Variants in CMYA5 observed in about 807,000 individuals in gnomAD.
The protein encoded by CMYA5 is cardiomyopathy associated 5.
A neutral mutation model predicts 318.9 loss-of-function variants in CMYA5; 246 were observed. That is an observed-to-expected ratio of 0.77 (90% CI 0.70 to 0.86). The LOEUF is 0.86. Ranked by LOEUF, CMYA5 falls within the 40% of genes least tolerant of loss-of-function variation. The pLI is 0.00. For missense variants in CMYA5, 4,589 were observed against 4,678.2 expected (o/e 0.98, Z 0.56); for synonymous variants, 1,641 against 1,729.5 (o/e 0.95, Z 1.27).
At chr5:79,796,242 A>T (rs1344145575) in intron 12 of CMYA5, among the ~76,000 whole-genome samples, 2 of 152,188 alleles carry the variant, frequency 1.3e-5, no homozygotes, top group African/African-American at 2.4e-5. Flanking sequence ...TAATAGAAAA[A>T]TGGTGCCACA....
intron 4 of CMYA5, among the ~76,000 whole-genome samples, chr5:79,746,412 G>C (rs1055066605): frequency 6.6e-6 from 1 of 152,030 alleles, no homozygotes; most frequent in Non-Finnish European, 1.5e-5. Context: ...GTGTAATTAA[G>C]GCAAAGCTTC....
Position 79,732,129 on chromosome 5 carries a change from G to A in CMYA5, c.3364G>A (p.Glu1122Lys), listed in dbSNP as rs772949725. 3.1e-6 allele frequency: 5 copies of A among 1,613,998 alleles called. No individual in the cohort carries two copies. The South Asian group carries it at 3.3e-5, about 11-fold the overall frequency. ...KQKTQAYLEP[E>K]SEDLIPSHLT... ...GAAAACTCAAGCATATTTAGAGCCT[G>A]AGTCTGAAGACTTGATTCCTTCACA... The change falls in exon 2 of 13, where the codon GAG becomes AAG. Residue 1122 changes from glutamate to lysine, a missense_variant. By Grantham distance (56) the Glu-to-Lys change is moderately conservative. Coordinates refer to ENST00000446378, the MANE Select transcript of CMYA5 (RefSeq NM_153610.5).
At chr5:79,794,358 G>A (rs1342546338) in intron 12 of CMYA5, among the ~76,000 whole-genome samples, 1 of 152,326 alleles carries the variant, frequency 6.6e-6, no homozygotes, top group Non-Finnish European at 1.5e-5. Flanking sequence ...TGTATTGTTT[G>A]GTTGGTTGAT....
rs199627049 is a variant in CMYA5 at position 79,738,014 on chromosome 5, A to C, written c.9249A>C (p.Ser3083=). Residue 3083 remains serine, a synonymous_variant, in exon 2 of 13, where the codon TCA becomes TCC. Coordinates refer to ENST00000446378, the MANE Select transcript of CMYA5 (RefSeq NM_153610.5). ...AATTAAATGTTGAAGAGAAACTCTCAAAGGAAGTTACAGAAGAAACTATCT... is the reference window on the plus strand; with the variant it reads ...AATTAAATGTTGAAGAGAAACTCTCCAAGGAAGTTACAGAAGAAACTATCT... ...PQKLNVEEKL[S]KEVTEETISF... The C allele has an allele frequency of 4.0e-4, 643 of 1,613,612 alleles. 2 individuals carry two copies. The highest frequency in any genetic ancestry group is 1.2e-3 in the Admixed American group (74 of 59,946).
At chr5:79,753,564 C>T (rs1828471456) in intron 6 of CMYA5, among the ~76,000 whole-genome samples, 1 of 151,856 alleles carries the variant, frequency 6.6e-6, no homozygotes, top group Non-Finnish European at 1.5e-5. Context: ...GCCTGGGCAA[C>T]ATAGTAAGAC....
chr5:79,766,259 C>T (rs770519318), intron 9 of CMYA5, among the ~76,000 whole-genome samples: 1 of 152,038 alleles, frequency 6.6e-6, no homozygotes, highest in Non-Finnish European at 1.5e-5. Context: ...CCACCAAGCC[C>T]CGCTAATTTT....
chr5:79,786,458 C>T (rs984986240), intron 9 of CMYA5, among the ~76,000 whole-genome samples: 2 of 152,280 alleles, frequency 1.3e-5, no homozygotes, highest in South Asian at 2.1e-4. Flanking sequence ...GTATAAAATC[C>T]CTAAGCACCA....
intron 11 of CMYA5, 143 bp downstream of exon 11, chr5:79,791,212 A>T: frequency 1.7e-6 from 1 of 602,702 alleles, no homozygotes; most frequent in Non-Finnish European, 3.0e-6. Flanking sequence ...ATGTGTGCAC[A>T]TCCACACTGT....
rs1468086481 is a variant in CMYA5, at chr5:79,736,320, C to A, written c.7555C>A (p.Gln2519Lys). ...CGATGCTATGCCACAGCACTTCTAT[C>A]AAAATGAAGACTACAATGAAAGACC... ...KADAMPQHFY[Q>K]NEDYNERPKI... Residue 2519 changes from glutamine to lysine, a missense_variant, in exon 2 of 13, where the codon CAA becomes AAA. Around this residue, in one of 3 missense-constraint regions of CMYA5, gnomAD observed 2,431 missense variants for 2,495.1 expected, o/e 0.97. Transcript: ENST00000446378. 1 of 1,613,364 alleles carries A rather than the reference C, an allele frequency of 6.2e-7. No homozygotes were observed. The highest frequency in any genetic ancestry group is 1.3e-5 in the African/African-American group (1 of 74,864).
Position 79,732,837 on chromosome 5 carries a change from G to A in CMYA5, c.4072G>A (p.Val1358Ile). The A allele has an allele frequency of 6.2e-7, 1 of 1,613,710 alleles. No homozygotes were observed. The highest frequency in any genetic ancestry group is 8.5e-7 in the Non-Finnish European group (1 of 1,179,792). ...EPSSSTTTAS[V>I]TKLDSNLTRA... ...CAGTTCCTCAACAACTACAGCATCT[G>A]TAACTAAGCTTGATTCAAACTTAAC... The change falls in exon 2 of 13, where the codon GTA becomes ATA. Residue 1358 changes from valine to isoleucine, a missense_variant. Coordinates refer to ENST00000446378, the MANE Select transcript of CMYA5 (RefSeq NM_153610.5).
rs1425254866 is a variant in CMYA5, at chr5:79,735,835, G to T, written c.7070G>T (p.Trp2357Leu). ...QKPAIAPPSKWNISIFKEEPR... is the reference protein window; with the variant it reads ...QKPAIAPPSKLNISIFKEEPR... The stretch of plus-strand genomic sequence containing the variant: ...CCAGCAATCGCTCCTCCATCTAAAT[G>T]GAATATTTCTATTTTTAAGGAAGAG... Residue 2357 changes from tryptophan to leucine, a missense_variant, in exon 2 of 13, where the codon TGG (tryptophan) becomes TTG (leucine). Trp to Leu is a moderately conservative substitution (Grantham distance 61). Coordinates refer to ENST00000446378, the MANE Select transcript of CMYA5 (RefSeq NM_153610.5). The T allele has an allele frequency of 6.4e-7, 1 of 1,552,832 alleles. No homozygotes were observed. Among genetic ancestry groups the T allele is most frequent in the Non-Finnish European group, 8.6e-7 (1 of 1,158,132 alleles).
intron 1 of CMYA5, among the ~76,000 whole-genome samples, chr5:79,704,032 C>A (rs981871064): frequency 1.1e-4 from 17 of 151,978 alleles, no homozygotes; most frequent in Non-Finnish European, 2.5e-4. Flanking sequence ...TCAAGGCTGC[C>A]ATGAGCTGCG....
Position 79,739,388 on chromosome 5 carries a change from T to C in CMYA5, c.10623T>C (p.Ala3541=). The C allele has an allele frequency of 6.5e-7, 1 of 1,537,498 alleles. No homozygotes were observed. Residue 3541 remains alanine, a synonymous_variant, in exon 2 of 13, where the codon GCT becomes GCC. Coordinates refer to ENST00000446378, the MANE Select transcript of CMYA5 (RefSeq NM_153610.5). ...ATGAAGTTTCAACGCTTGACACAGCTATAAGTGCTGTAAAGGTAAATAGAT... is the reference window on the plus strand; with the variant it reads ...ATGAAGTTTCAACGCTTGACACAGCCATAAGTGCTGTAAAGGTAAATAGAT... ...KDHEVSTLDT[A]ISAVKVQLAE...
chr5:79,741,483 A>G (rs561087360), intron 2 of CMYA5, among the ~76,000 whole-genome samples: 1 of 152,174 alleles, frequency 6.6e-6, no homozygotes, highest in Non-Finnish European at 1.5e-5. Context: ...GAATCTTGGC[A>G]TTTTTTAACT....
intron 1 of CMYA5, among the ~76,000 whole-genome samples, chr5:79,701,384 A>C (rs910301885): frequency 6.6e-6 from 1 of 152,234 alleles, no homozygotes; most frequent in Admixed American, 6.5e-5. Flanking sequence ...GGTAAAGAAA[A>C]AATAAATGTT....
In CMYA5 at chr5:79,763,185, A is replaced by G. The variant is rs1561223595; in HGVS notation, c.11531A>G (p.His3844Arg). 28 of 1,609,064 alleles carry G rather than the reference A, an allele frequency of 1.7e-5. No individual in the cohort carries two copies. The highest frequency in any genetic ancestry group is 2.2e-5 in the East Asian group (1 of 44,746). The change falls in exon 9 of 13, where the codon CAC (histidine) becomes CGC (arginine). Residue 3844 changes from histidine (H) to arginine (R), a missense_variant. Physicochemically the swap from His to Arg is conservative, Grantham distance 29. Around this residue, in one of 3 missense-constraint regions of CMYA5, gnomAD observed 2,431 missense variants for 2,495.1 expected, o/e 0.97. Coordinates refer to ENST00000446378, the MANE Select transcript of CMYA5 (RefSeq NM_153610.5). The part of the protein sequence containing the change: ...ETYTLEYCRQ[H>R]SPEGEGLRSF... ...TACACTCTGGAGTACTGCAGACAGC[A>G]CTCTCCTGAGGGAGAGGGCCTCAGG...
intron 1 of CMYA5, among the ~76,000 whole-genome samples, chr5:79,711,126 G>GT (rs1255522005): frequency 1.3e-5 from 2 of 151,928 alleles, no homozygotes; most frequent in African/African-American, 4.8e-5. Flanking sequence ...TAATCTCTTT[G>GT]TTTTTTCCCC....
chr5:79,769,422 C>T (rs1245804414), intron 9 of CMYA5, among the ~76,000 whole-genome samples: 1 of 152,100 alleles, frequency 6.6e-6, no homozygotes, highest in Non-Finnish European at 1.5e-5. Context: ...GTTTTTCCCT[C>T]ATATTCGTGG....
chr5:79,784,906 C>A (rs1242948442), intron 9 of CMYA5, among the ~76,000 whole-genome samples: 1 of 152,008 alleles, frequency 6.6e-6, no homozygotes, highest in Non-Finnish European at 1.5e-5. Flanking sequence ...GAGCTGTAGA[C>A]CGGAGCTGTT....
Sources: allele counts gnomAD v4.1 joint callset (sites outside exome capture counted in the v4.1 genomes callset), GRCh38; gene constraint gnomAD v4.1.1; regional missense constraint gnomAD v4.1.1; transcripts MANE v1.5; gene names NCBI Gene and HGNC (gene_info 2026-07-23, HGNC 2026-07-21).